The following PUDP variants were observed in gnomAD, a reference collection of about 807,000 sequenced individuals.
PUDP encodes the protein pseudouridine 5'-phosphatase.
Under a neutral mutation model 9.4 loss-of-function variants are expected in PUDP, and 8 were observed. That is an observed-to-expected ratio of 0.85 (90% CI 0.50 to 1.53). The LOEUF is 1.53. Ranked by LOEUF, PUDP falls within the 40% of genes most tolerant of loss-of-function variation. The pLI, the probability that PUDP is intolerant of heterozygous loss-of-function variation, is 0.00. For missense variants in PUDP, 188 were observed against 189.7 expected (o/e 0.99, Z 0.05); for synonymous variants, 99 against 80.7 (o/e 1.23, Z -1.22).
chrX:7,118,247 AG>A (rs1436432414), intron 1 of PUDP, among the ~76,000 whole-genome samples: 1 of 112,510 alleles, frequency 8.9e-6, no homozygotes, highest in Non-Finnish European at 1.9e-5. Context: ...TGTGATTTGC[AG>A]GAAACACTCC....
intron 3 of PUDP, among the ~76,000 whole-genome samples, chrX:6,885,170 G>A (rs1927403837): frequency 8.9e-6 from 1 of 111,772 alleles, no homozygotes; most frequent in Non-Finnish European, 1.9e-5. Flanking sequence ...GAAACTTTGA[G>A]AACTTAGAGT....
intron 3 of PUDP, among the ~76,000 whole-genome samples, chrX:6,926,268 G>A (rs767070865): frequency 8.9e-6 from 1 of 112,026 alleles, no homozygotes; most frequent in Non-Finnish European, 1.9e-5. Flanking sequence ...CCCTGCCAGA[G>A]GAAGCCCTCA....
At chrX:6,796,477 AC>A (rs1484751151) in intron 3 of PUDP, among the ~76,000 whole-genome samples, 1 of 112,231 alleles carries the variant, frequency 8.9e-6, no homozygotes, top group Non-Finnish European at 1.9e-5. Context: ...TAAAGCACAA[AC>A]ATCCTAAAGT....
intron 1 of PUDP, among the ~76,000 whole-genome samples, chrX:7,112,846 A>G (rs1475061202): frequency 1.1e-4 from 12 of 110,563 alleles, no homozygotes; most frequent in Non-Finnish European, 1.3e-4. Flanking sequence ...TTTTTTTTGT[A>G]GAGACACGGT....
chrX:7,053,868 AG>A (rs1438171214), intron 3 of PUDP, among the ~76,000 whole-genome samples: 1 of 111,959 alleles, frequency 8.9e-6, no homozygotes. Context: ...CACTGACAGC[AG>A]GAGCAGCTGA....
intron 3 of PUDP, among the ~76,000 whole-genome samples, chrX:6,851,642 T>C (rs1331112673): frequency 8.9e-6 from 1 of 111,943 alleles, no homozygotes; most frequent in Admixed American, 9.5e-5. Flanking sequence ...CACACAATGA[T>C]AAACTCTATC....
intron 2 of PUDP, among the ~76,000 whole-genome samples, chrX:7,082,521 A>C (rs1226268617): frequency 8.9e-6 from 1 of 112,222 alleles, no homozygotes; most frequent in Non-Finnish European, 1.9e-5. Context: ...AGGGCCGTGC[A>C]TGTCATTAAC....
chrX:7,116,026 T>C (rs2146910023), intron 1 of PUDP, among the ~76,000 whole-genome samples: 1 of 113,023 alleles, frequency 8.8e-6, no homozygotes, highest in Non-Finnish European at 1.9e-5. Context: ...TAAAGATAAC[T>C]GTCCATGTGT....
intron 3 of PUDP, among the ~76,000 whole-genome samples, chrX:6,751,181 AAAAGAAAG>A (rs753977935): frequency 1.4e-3 from 151 of 110,134 alleles, no homozygotes; most frequent in Non-Finnish European, 2.5e-3. Context: ...AAGAAAGAAA[AAAAGAAAG>A]AAAGAAAGAA....
intron 3 of PUDP, among the ~76,000 whole-genome samples, chrX:6,937,019 G>C (rs1928314119): frequency 9.6e-6 from 1 of 104,705 alleles, no homozygotes; most frequent in Non-Finnish European, 2.0e-5. Flanking sequence ...ATGCTCATGA[G>C]TAGGAAGAAT....
At chrX:6,752,803 C>G (rs1386983007) in intron 3 of PUDP, among the ~76,000 whole-genome samples, 2 of 111,643 alleles carry the variant, frequency 1.8e-5, no homozygotes. Context: ...ATTAAGCAAT[C>G]AAGGTTGCTT....
intron 3 of PUDP, among the ~76,000 whole-genome samples, chrX:6,742,907 C>T (rs1233128746): frequency 8.9e-6 from 1 of 112,389 alleles, no homozygotes; most frequent in Admixed American, 9.4e-5. Context: ...ACATAGCTTC[C>T]GCTCAGGTTA....
chrX:6,835,909 G>A (rs1926575114), intron 3 of PUDP, among the ~76,000 whole-genome samples: 1 of 107,957 alleles, frequency 9.3e-6, no homozygotes, highest in African/African-American at 3.4e-5. Context: ...GTAGAAACAA[G>A]GGTTTCACCA....
intron 1 of PUDP, among the ~76,000 whole-genome samples, chrX:7,131,148 C>T (rs1932610431): frequency 9.0e-6 from 1 of 111,567 alleles, no homozygotes; most frequent in Admixed American, 9.5e-5. Context: ...GGCCTCACAG[C>T]TTCCTCTAAT....
intron 3 of PUDP, among the ~76,000 whole-genome samples, chrX:6,821,096 C>A (rs1364480583): frequency 9.0e-6 from 1 of 111,112 alleles, no homozygotes; most frequent in Admixed American, 9.5e-5. Flanking sequence ...TCCAACCCTG[C>A]CAAGGGTTGG....
At chrX:6,982,023 T>TACACACACACACACACACACACACACAC (rs59016698) in intron 1 of PUDP, among the ~76,000 whole-genome samples, 1 of 86,981 alleles carries the variant, frequency 1.1e-5, no homozygotes, top group Non-Finnish European at 2.3e-5. Context: ...AACTTATGGA[T>TACACACACACACACACACACACACACAC]ACACACACAC....
At chrX:6,955,946 G>A (rs1172963845) in intron 3 of PUDP, among the ~76,000 whole-genome samples, 2 of 111,768 alleles carry the variant, frequency 1.8e-5, no homozygotes, top group Non-Finnish European at 3.8e-5. Context: ...TGTGCATTGT[G>A]TTACTCAGGA....
chrX:6,766,576 G>A (rs1276291636), intron 3 of PUDP, among the ~76,000 whole-genome samples: 1 of 111,585 alleles, frequency 9.0e-6, no homozygotes, highest in East Asian at 2.8e-4. Context: ...GGAAGGTTAC[G>A]CAAAGACATA....
At chrX:6,852,353 C>T (rs1473702553) in intron 3 of PUDP, among the ~76,000 whole-genome samples, 1 of 112,278 alleles carries the variant, frequency 8.9e-6, no homozygotes, top group Non-Finnish European at 1.9e-5. Flanking sequence ...ACTCAGCATC[C>T]CTTTGCTGGG....
Sources: gnomAD v4.1 joint callset for allele counts (sites outside exome capture counted in the v4.1 genomes callset) on GRCh38, gnomAD v4.1.1 for gene constraint, MANE v1.5 for transcripts, NCBI Gene and HGNC (gene_info 2026-07-23, HGNC 2026-07-21) for gene names.